Variants in PCNX1 observed in about 807,000 individuals in gnomAD.
PCNX1 encodes pecanex-like protein 1.
Under a neutral mutation model 242.2 loss-of-function variants are expected in PCNX1, and 78 were observed. The observed-to-expected ratio is 0.32, with a 90% confidence interval of 0.27 to 0.39. The LOEUF (loss-of-function observed/expected upper bound fraction) is 0.39, where lower values mean the gene tolerates loss of function less well. Among genes scored for constraint, PCNX1 ranks in the 10% least tolerant of loss-of-function variants. PCNX1 has a pLI of 1.00. For missense variants in PCNX1, 2,581 were observed against 2,856.5 expected, an observed-to-expected ratio of 0.90 and a Z score of 2.20; for synonymous variants, 1,024 against 1,032.9, an observed-to-expected ratio of 0.99 and a Z score of 0.17.
chr14:70,966,968 A>G (rs2058399080), intron 3 of PCNX1, among the ~76,000 whole-genome samples: 1 of 152,258 alleles, frequency 6.6e-6, no homozygotes, highest in African/African-American at 2.4e-5. Context: ...GAAAGCAGAA[A>G]TTAGGAAAAA....
At chr14:70,918,211 A>G (rs2056227654) in intron 1 of PCNX1, among the ~76,000 whole-genome samples, 1 of 152,208 alleles carries the variant, frequency 6.6e-6, no homozygotes, top group African/African-American at 2.4e-5. Flanking sequence ...ATTCTTCAAG[A>G]ACTTTTCCTT....
At chr14:70,910,229 T>C (rs1233135978) in intron 1 of PCNX1, among the ~76,000 whole-genome samples, 2 of 69,488 alleles carry the variant, frequency 2.9e-5, no homozygotes, top group South Asian at 4.9e-4. Flanking sequence ...CTCCTCCTCC[T>C]CTCACCAGCA....
chr14:71,091,704 A>AT (rs1207565038), intron 30 of PCNX1, among the ~76,000 whole-genome samples: 10 of 152,262 alleles, frequency 6.6e-5, no homozygotes, highest in Non-Finnish European at 1.2e-4. Context: ...ACAAAAACAC[A>AT]GACTATACAT....
At chr14:71,033,199 C>A (rs911408183) in intron 16 of PCNX1, among the ~76,000 whole-genome samples, 1 of 152,134 alleles carries the variant, frequency 6.6e-6, no homozygotes, top group Non-Finnish European at 1.5e-5. Flanking sequence ...AGTGCCCTCC[C>A]CCCAAAAACA....
chr14:70,918,298 A>G (rs1436723917), intron 1 of PCNX1, among the ~76,000 whole-genome samples: 1 of 152,194 alleles, frequency 6.6e-6, no homozygotes, highest in East Asian at 1.9e-4. Flanking sequence ...CTTTCTCACT[A>G]AATTTAATCA....
chr14:71,018,161 CTGTA>C (rs1257584793), intron 11 of PCNX1, among the ~76,000 whole-genome samples: 3 of 151,798 alleles, frequency 2.0e-5, no homozygotes, highest in Admixed American at 6.6e-5. Context: ...GTCCTGCTTT[CTGTA>C]TGTATGAGAT....
rs1595049205 is a variant in PCNX1 at position 70,958,688 on chromosome 14, C to T, written c.363-3538C>T. ...AGAGTAGCAGATATAGAGAAATTTC[C>T]TCCCACCAATAAGACACTCCTGGCC... On this transcript the variant is annotated intron_variant, in intron 2 of 35. Transcript: ENST00000304743. Among the ~76,000 whole-genome samples, 4 of 152,070 alleles carry T rather than the reference C, an allele frequency of 2.6e-5. No homozygotes were observed. In the East Asian group the frequency reaches 7.7e-4, roughly 29 times the overall value.
chr14:71,097,021 T>C (rs1334284562), intron 30 of PCNX1, among the ~76,000 whole-genome samples: 2 of 152,092 alleles, frequency 1.3e-5, no homozygotes, highest in African/African-American at 4.8e-5. Flanking sequence ...CGGCATCTCC[T>C]ACCCAGGCAG....
chr14:71,108,429 A>G (rs1047188419), intron 33 of PCNX1, among the ~76,000 whole-genome samples, 175 bp from the exon 34 acceptor site: 15 of 152,250 alleles, frequency 9.9e-5, no homozygotes, highest in Non-Finnish European at 1.8e-4. Context: ...ACAAAAGAAA[A>G]TAGATCTCAG....
intron 21 of PCNX1, 31 bp downstream of exon 21, chr14:71,047,136 A>T: frequency 7.6e-7 from 1 of 1,317,696 alleles, no homozygotes; most frequent in Non-Finnish European, 1.0e-6. Context: ...ATATTGTCTG[A>T]CTACTGGGGG....
At chr14:70,914,634 CAT>C (rs371814970) in intron 1 of PCNX1, among the ~76,000 whole-genome samples, 15 of 152,266 alleles carry the variant, frequency 9.9e-5, no homozygotes, top group African/African-American at 3.4e-4. Context: ...AATTTTCAAA[CAT>C]ATAGGAAAGT....
Position 70,907,897 on chromosome 14 carries a change from C to T in PCNX1, c.47C>T (p.Ala16Val), listed in dbSNP as rs770651098. 50 of 1,571,274 alleles carry T rather than the reference C, an allele frequency of 3.2e-5. No homozygotes were observed. Among genetic ancestry groups the T allele is most frequent in the Non-Finnish European group, 4.1e-5 (48 of 1,162,264 alleles). ...ATCCTCCGACAGGGGGTGTGGGCCG[C>T]GCTCAGCGGGGGCTGGTACTACGAC... The part of the protein sequence containing the change: ...LQILRQGVWA[A>V]LSGGWYYDPH... The change falls in exon 1 of 36, where the codon GCG becomes GTG. Residue 16 changes from alanine (A) to valine (V), a missense_variant. Coordinates refer to ENST00000304743, the MANE Select transcript of PCNX1 (RefSeq NM_014982.3).
chr14:71,108,569 C>T, intron 33 of PCNX1, 35 bp from the exon 34 acceptor site: 1 of 1,518,432 alleles, frequency 6.6e-7, no homozygotes, highest in African/African-American at 1.4e-5. Context: ...CTGAGTCATT[C>T]TACTTTGAGT....
intron 5 of PCNX1, among the ~76,000 whole-genome samples, chr14:70,976,528 A>G (rs1377038085): frequency 6.6e-6 from 1 of 151,244 alleles, no homozygotes; most frequent in Non-Finnish European, 1.5e-5. Flanking sequence ...GCTCGCCACC[A>G]CGCCCGGCTA....
At position 70,947,944 on chromosome 14, in the gene PCNX1, T is replaced by A. The variant is rs28824190; in HGVS notation, c.362+821T>A. Among the ~76,000 whole-genome samples, 1,155 of 152,250 alleles carry A rather than the reference T, an allele frequency of 7.6e-3. 8 individuals are homozygous for A. The highest frequency in any genetic ancestry group is 0.026 in the African/African-American group (1,088 of 41,546). The stretch of plus-strand genomic sequence containing the variant: ...TCTGGGAGTGTCTGTCTTACGCAGT[T>A]GTGGATAGGGGATGAAATATGCCCT... On this transcript the variant is annotated intron_variant, in intron 2 of 35. Coordinates refer to ENST00000304743, the MANE Select transcript of PCNX1 (RefSeq NM_014982.3).
intron 12 of PCNX1, among the ~76,000 whole-genome samples, chr14:71,022,421 C>A (rs1379257181): frequency 6.6e-6 from 1 of 152,114 alleles, no homozygotes; most frequent in African/African-American, 2.4e-5. Context: ...AGAACAGAAG[C>A]ATTTAGAAGA....
chr14:70,949,789 A>C (rs1160191846), intron 2 of PCNX1, among the ~76,000 whole-genome samples: 1 of 152,206 alleles, frequency 6.6e-6, no homozygotes, highest in African/African-American at 2.4e-5. Flanking sequence ...CTTTATTCAT[A>C]GTCAAAAGTT....
chr14:71,045,062 T>C, intron 19 of PCNX1, 71 bp from the exon 20 acceptor site: 1 of 1,137,294 alleles, frequency 8.8e-7, no homozygotes, highest in Non-Finnish European at 1.2e-6. Flanking sequence ...AAAATTGAAC[T>C]GACAAATTAG....
chr14:71,094,961 A>G (rs1398064396), intron 30 of PCNX1, among the ~76,000 whole-genome samples: 2 of 152,192 alleles, frequency 1.3e-5, no homozygotes, highest in East Asian at 3.9e-4. Flanking sequence ...AACTGTTATG[A>G]TCTGTGCAGT....
Sources: allele counts gnomAD v4.1 joint callset (sites outside exome capture counted in the v4.1 genomes callset), GRCh38; gene constraint gnomAD v4.1.1; transcripts MANE v1.5; gene names NCBI Gene and HGNC (gene_info 2026-07-23, HGNC 2026-07-21).